BAIAP2L1: variants seen among roughly 807,000 people sequenced by gnomAD.
The protein encoded by BAIAP2L1 is BAR/IMD domain containing adaptor protein 2 like 1, also known as BAR/IMD domain-containing adapter protein 2-like 1.
A neutral mutation model predicts 66.3 loss-of-function variants in BAIAP2L1; 35 were observed. That is an observed-to-expected ratio of 0.53 (90% confidence interval 0.40 to 0.70). BAIAP2L1 has a LOEUF of 0.70. Among genes scored for constraint, BAIAP2L1 ranks in the 30% least tolerant of loss-of-function variants. The pLI, the probability that BAIAP2L1 is intolerant of heterozygous loss-of-function variation, is 0.00. For missense variants in BAIAP2L1, 622 were observed against 656.9 expected (o/e 0.95, Z 0.58); for synonymous variants, 269 against 248.7 (o/e 1.08, Z -0.77).
chr7:98,399,813 A>G (rs1233316236), intron 1 of BAIAP2L1, among the ~76,000 whole-genome samples: 1 of 152,218 alleles, frequency 6.6e-6, no homozygotes, highest in African/African-American at 2.4e-5. Context: ...CCGGCTATCA[A>G]CGCATTCCTT....
chr7:98,369,872 G>T (rs1025230234), intron 1 of BAIAP2L1, among the ~76,000 whole-genome samples: 1 of 151,664 alleles, frequency 6.6e-6, no homozygotes, highest in Non-Finnish European at 1.5e-5. Context: ...GTGTTTCACC[G>T]TGTTGCCCAG....
At chr7:98,369,501 ATTC>A (rs1417484602) in intron 1 of BAIAP2L1, among the ~76,000 whole-genome samples, 6 of 152,044 alleles carry the variant, frequency 3.9e-5, no homozygotes, top group Non-Finnish European at 8.8e-5. Flanking sequence ...TTCATATGAT[ATTC>A]TTATGAGGCT....
At chr7:98,303,980 A>G (rs943595140) in intron 12 of BAIAP2L1, among the ~76,000 whole-genome samples, 2 of 152,222 alleles carry the variant, frequency 1.3e-5, no homozygotes, top group African/African-American at 4.8e-5. Context: ...TAGAGTCCAC[A>G]TGAAAGAAGG....
At chr7:98,321,118 C>G (rs1410684323) in intron 3 of BAIAP2L1, among the ~76,000 whole-genome samples, 1 of 152,120 alleles carries the variant, frequency 6.6e-6, no homozygotes, top group South Asian at 2.1e-4. Flanking sequence ...CTCAGCCTCC[C>G]AAAGTGCTGG....
intron 1 of BAIAP2L1, among the ~76,000 whole-genome samples, chr7:98,397,121 T>G (rs1176216525): frequency 1.3e-5 from 2 of 152,020 alleles, no homozygotes; most frequent in Non-Finnish European, 2.9e-5. Context: ...GGTAGTGTTA[T>G]GGGGGAAGGT....
chr7:98,379,064 C>T (rs1036653350), intron 1 of BAIAP2L1, among the ~76,000 whole-genome samples: 3 of 152,184 alleles, frequency 2.0e-5, no homozygotes, highest in South Asian at 2.1e-4. Context: ...CTCCTGACCT[C>T]GTGATCTGAC....
intron 12 of BAIAP2L1, among the ~76,000 whole-genome samples, chr7:98,296,095 G>A (rs1002989732): frequency 6.6e-6 from 1 of 152,158 alleles, no homozygotes; most frequent in Admixed American, 6.5e-5. Context: ...CAGCTTCTGT[G>A]CAGACAGCAG....
At chr7:98,350,582 C>T (rs1801978386) in intron 3 of BAIAP2L1, among the ~76,000 whole-genome samples, 1 of 152,204 alleles carries the variant, frequency 6.6e-6, no homozygotes, top group African/African-American at 2.4e-5. Flanking sequence ...TTGCTTGAAG[C>T]CGGGACACAG....
intron 1 of BAIAP2L1, among the ~76,000 whole-genome samples, chr7:98,372,378 C>T (rs2115768173): frequency 6.6e-6 from 1 of 152,040 alleles, no homozygotes; most frequent in East Asian, 2.0e-4. Context: ...TGCTCTGCAG[C>T]CTGGGTGACA....
At chr7:98,397,220 C>T (rs1803232682) in intron 1 of BAIAP2L1, among the ~76,000 whole-genome samples, 1 of 146,048 alleles carries the variant, frequency 6.8e-6, no homozygotes, top group Non-Finnish European at 1.5e-5. Context: ...CACTGAAAGG[C>T]TTCTGTGATA....
At chr7:98,304,926 C>T (rs1287293145) in intron 11 of BAIAP2L1, among the ~76,000 whole-genome samples, 8 of 148,136 alleles carry the variant, frequency 5.4e-5, no homozygotes, top group East Asian at 2.0e-4. Context: ...AGTGCAGTGG[C>T]GCGATCTTGG....
chr7:98,308,373 AC>A (rs746520098), intron 9 of BAIAP2L1: 355 of 438,720 alleles, frequency 8.1e-4, no homozygotes, highest in Non-Finnish European at 1.4e-3. Context: ...TCAGCTTCTC[AC>A]CCCCAGGCCT....
At chr7:98,360,655 G>C (rs1438639893) in intron 2 of BAIAP2L1, among the ~76,000 whole-genome samples, 1 of 151,514 alleles carries the variant, frequency 6.6e-6, no homozygotes. Context: ...GCTCATGCTA[G>C]AAAGAAAAAA....
At chr7:98,313,109 C>T (rs970389850) in intron 7 of BAIAP2L1, among the ~76,000 whole-genome samples, 13 of 150,642 alleles carry the variant, frequency 8.6e-5, no homozygotes, top group South Asian at 6.3e-4. Context: ...CTCACACCAC[C>T]CCTGTCCCCA....
chr7:98,308,066 A>C, intron 9 of BAIAP2L1, 170 bp from the exon 10 acceptor site: 2 of 735,324 alleles, frequency 2.7e-6, no homozygotes, highest in East Asian at 5.4e-5. Context: ...CAGAAGGAAC[A>C]GGGACTGTTG....
intron 3 of BAIAP2L1, among the ~76,000 whole-genome samples, chr7:98,337,168 A>C (rs963496321): frequency 3.9e-5 from 6 of 152,152 alleles, no homozygotes; most frequent in African/African-American, 1.4e-4. Context: ...GAAGTGCTGG[A>C]AAGTGTGTGG....
At chr7:98,337,314 C>T (rs1401624069) in intron 3 of BAIAP2L1, among the ~76,000 whole-genome samples, 1 of 151,944 alleles carries the variant, frequency 6.6e-6, no homozygotes, top group African/African-American at 2.4e-5. Context: ...TCACTGAAAC[C>T]TCCGCCTCCT....
intron 1 of BAIAP2L1, among the ~76,000 whole-genome samples, chr7:98,393,120 T>TGTACACAC (rs1251347579): frequency 3.5e-5 from 3 of 85,560 alleles, no homozygotes; most frequent in African/African-American, 1.4e-4. Context: ...TGTACACATA[T>TGTACACAC]ATGTATATAT....
chr7:98,321,336 A>G (rs534511138), intron 3 of BAIAP2L1, among the ~76,000 whole-genome samples: 7 of 152,312 alleles, frequency 4.6e-5, no homozygotes, highest in African/African-American at 1.7e-4. Context: ...CAGGCACGAG[A>G]GATAAAGGCT....
Sources: allele counts gnomAD v4.1 joint callset (sites outside exome capture counted in the v4.1 genomes callset), GRCh38; gene constraint gnomAD v4.1.1; transcripts MANE v1.5; gene names NCBI Gene and HGNC (gene_info 2026-07-23, HGNC 2026-07-21).